MTSS1: variants seen among roughly 807,000 people sequenced by gnomAD.
MTSS1 encodes the protein protein MTSS 1.
MTSS1 carries 18 observed loss-of-function variants against 79.0 expected under a neutral mutation model. The observed-to-expected ratio is 0.23, with a 90% CI of 0.16 to 0.34. The LOEUF (loss-of-function observed/expected upper bound fraction) is 0.34, where lower values mean the gene tolerates loss of function less well. MTSS1 is among the 10% of genes least tolerant of loss of function. The pLI is 1.00. For missense variants in MTSS1, 815 were observed against 986.2 expected, an observed-to-expected ratio of 0.83 and a Z score of 2.33; for synonymous variants, 341 against 368.6, an observed-to-expected ratio of 0.93 and a Z score of 0.86.
rs544391186 is a variant in MTSS1, at chr8:124,699,711, A to G, written c.135-112T>C. 7.7e-5 allele frequency: 73 copies of G among 944,954 alleles called. No homozygotes were observed. The South Asian group carries it at 1.1e-3, about 14-fold the overall frequency. 58.5% of individuals were successfully genotyped at this position (944,954 alleles called of 1,614,324 possible). On this transcript the variant is annotated intron_variant, in intron 2 of 13. Coordinates refer to ENST00000518547, the MANE Select transcript of MTSS1 (RefSeq NM_014751.6). ...GAGTACATGTAACCTTCCTCCAGAA[A>G]TAACTCAACTGAGCATGGACAACCA...
chr8:124,658,393 C>A (rs1012614387), intron 3 of MTSS1, among the ~76,000 whole-genome samples: 1 of 152,160 alleles, frequency 6.6e-6, no homozygotes. Context: ...CATCTTCTAC[C>A]ATGATTGTGA....
chr8:124,606,814 C>T (rs1479490802), intron 3 of MTSS1, among the ~76,000 whole-genome samples: 1 of 152,186 alleles, frequency 6.6e-6, no homozygotes, highest in African/African-American at 2.4e-5. Flanking sequence ...TCAGGGTGGA[C>T]ATGTACTGTC....
chr8:124,662,778 C>T (rs995532584), intron 3 of MTSS1, among the ~76,000 whole-genome samples: 1 of 152,140 alleles, frequency 6.6e-6, no homozygotes, highest in African/African-American at 2.4e-5. Flanking sequence ...TCCCTCCCTG[C>T]CCTCCCACGG....
In MTSS1 at chr8:124,584,550, G is replaced by A. The variant is rs139512227; in HGVS notation, c.460+537C>T. Among the ~76,000 whole-genome samples the A allele has an allele frequency of 6.9e-4, 105 of 152,260 alleles. 1 individual carries two copies. In the East Asian group the frequency reaches 0.019, roughly 28 times the overall value. On this transcript the variant is annotated intron_variant, in intron 6 of 13. Transcript: ENST00000518547. ...GAAGGAGGATAAACAAGGATGTGGG[G>A]GAAAGGCATCTTGCCTGGTTGTGCT... is the stretch of plus-strand genomic sequence containing the variant.
chr8:124,689,273 C>G (rs562830429), intron 3 of MTSS1, among the ~76,000 whole-genome samples: 3 of 152,064 alleles, frequency 2.0e-5, no homozygotes, highest in African/African-American at 7.2e-5. Context: ...ACAGAGGAGG[C>G]ATCTATGTGG....
intron 3 of MTSS1, among the ~76,000 whole-genome samples, chr8:124,684,493 T>G (rs1366053777): frequency 1.3e-5 from 2 of 152,222 alleles, no homozygotes; most frequent in Non-Finnish European, 2.9e-5. Flanking sequence ...GCAATGAGAT[T>G]AGGAACATTC....
chr8:124,689,934 T>C (rs1465848301), intron 3 of MTSS1, among the ~76,000 whole-genome samples: 1 of 151,902 alleles, frequency 6.6e-6, no homozygotes, highest in African/African-American at 2.4e-5. Context: ...AGGCAAGAAC[T>C]AGGATGGAAA....
At chr8:124,628,033 G>A (rs758691054) in intron 3 of MTSS1, among the ~76,000 whole-genome samples, 41 of 152,150 alleles carry the variant, frequency 2.7e-4, no homozygotes, top group Non-Finnish European at 4.9e-4. Context: ...CAGGCGTGGT[G>A]GCATGTGCCT....
At chr8:124,625,587 C>T (rs950639899) in intron 3 of MTSS1, among the ~76,000 whole-genome samples, 5 of 152,150 alleles carry the variant, frequency 3.3e-5, no homozygotes, top group African/African-American at 7.2e-5. Flanking sequence ...CACCTGCTGG[C>T]GAGGCAACTC....
At chr8:124,688,175 CGT>C (rs1159864928) in intron 3 of MTSS1, among the ~76,000 whole-genome samples, 1 of 151,484 alleles carries the variant, frequency 6.6e-6, no homozygotes, top group African/African-American at 2.4e-5. Context: ...CGTACGTGTG[CGT>C]GTGTATGTAT....
chr8:124,658,702 C>T (rs1334743694), intron 3 of MTSS1, among the ~76,000 whole-genome samples: 2 of 152,094 alleles, frequency 1.3e-5, no homozygotes, highest in Non-Finnish European at 2.9e-5. Flanking sequence ...CACTTCTAAA[C>T]AACCAGAGCT....
chr8:124,699,480 C>T lies in MTSS1; in HGVS notation c.208+46G>A, dbSNP rs375804987. The T allele has an allele frequency of 1.3e-3, 2,011 of 1,557,126 alleles. 32 individuals are homozygous for T. In the South Asian group the frequency reaches 0.021, roughly 16 times the overall value. ...GCAGCCACCCAAGGGGAAGAGTCCACGTGCAGAATGCAGTTAACACTGGGA... is the reference window on the plus strand; with the variant it reads ...GCAGCCACCCAAGGGGAAGAGTCCATGTGCAGAATGCAGTTAACACTGGGA... On this transcript the variant is annotated intron_variant, in intron 3 of 13. Transcript: ENST00000518547.
Position 124,611,117 on chromosome 8 carries a change from C to G in MTSS1, c.209-19882G>C, listed in dbSNP as rs902426510. Among the ~76,000 whole-genome samples, 2 of 148,946 alleles carry G rather than the reference C, an allele frequency of 1.3e-5. 1 individual carries two copies. The highest frequency in any genetic ancestry group is 3.9e-4 in the East Asian group (2 of 5,138). Reference sequence around the variant, plus strand: ...AACCCACCAGACAGACCCCCCCCCCCCAGCATGTGACTCAACAGTCACCTC... The same window carrying G: ...AACCCACCAGACAGACCCCCCCCCCGCAGCATGTGACTCAACAGTCACCTC... On this transcript the variant is annotated intron_variant, in intron 3 of 13. Coordinates refer to ENST00000518547, the MANE Select transcript of MTSS1 (RefSeq NM_014751.6).
chr8:124,587,660 A>T (rs1255549668), intron 5 of MTSS1, among the ~76,000 whole-genome samples: 1 of 151,878 alleles, frequency 6.6e-6, no homozygotes, highest in Non-Finnish European at 1.5e-5. Context: ...CACCACGCCC[A>T]GCTAATTGGT....
chr8:124,633,157 A>G (rs1157232268), intron 3 of MTSS1, among the ~76,000 whole-genome samples: 2 of 151,752 alleles, frequency 1.3e-5, no homozygotes, highest in Non-Finnish European at 2.9e-5. Flanking sequence ...TAAGAAATTA[A>G]AATTACAAAA....
chr8:124,649,719 A>T (rs1038430022), intron 3 of MTSS1, among the ~76,000 whole-genome samples: 1 of 152,186 alleles, frequency 6.6e-6, no homozygotes, highest in Admixed American at 6.5e-5. Context: ...TGACCTCGAA[A>T]AGATCATAGA....
chr8:124,645,045 C>A (rs1387397602), intron 3 of MTSS1, among the ~76,000 whole-genome samples: 2 of 152,108 alleles, frequency 1.3e-5, no homozygotes, highest in African/African-American at 2.4e-5. Flanking sequence ...ACACCTGAAC[C>A]AGAGACCCTC....
intron 3 of MTSS1, among the ~76,000 whole-genome samples, chr8:124,617,662 G>C (rs1030871237): frequency 6.6e-6 from 1 of 152,036 alleles, no homozygotes; most frequent in African/African-American, 2.4e-5. Context: ...CAAGCCCCTG[G>C]GCACCCTCTG....
chr8:124,610,720 C>T (rs1835646551), intron 3 of MTSS1, among the ~76,000 whole-genome samples: 2 of 152,182 alleles, frequency 1.3e-5, no homozygotes, highest in Non-Finnish European at 2.9e-5. Flanking sequence ...TTTCTTCAAT[C>T]ATCCCTGGAG....
Sources: gnomAD v4.1 joint callset for allele counts (sites outside exome capture counted in the v4.1 genomes callset) on GRCh38, gnomAD v4.1.1 for gene constraint, MANE v1.5 for transcripts, NCBI Gene and HGNC (gene_info 2026-07-23, HGNC 2026-07-21) for gene names.